SSPN: variants seen among roughly 807,000 people sequenced by gnomAD.
The protein encoded by SSPN is sarcospan.
A neutral mutation model predicts 19.1 loss-of-function variants in SSPN; 15 were observed. The observed-to-expected ratio is 0.78, with a 90% CI of 0.52 to 1.21. The LOEUF (loss-of-function observed/expected upper bound fraction) is 1.21. Ranked by LOEUF, SSPN falls within the 50% of genes most tolerant of loss-of-function variation. SSPN has a pLI of 0.00. For missense variants in SSPN, 291 were observed against 314.0 expected (o/e 0.93, Z 0.55); for synonymous variants, 147 against 140.3 (o/e 1.05, Z -0.34).
At chr12:26,165,320 G>A (rs1461335094) in intron 1 of SSPN, among the ~76,000 whole-genome samples, 1 of 152,156 alleles carries the variant, frequency 6.6e-6, no homozygotes, top group African/African-American at 2.4e-5. Flanking sequence ...CAAGTTCTCT[G>A]GCCATCAGAA....
intron 1 of SSPN, chr12:26,126,152 C>CA (rs1187133387): frequency 6.6e-6 from 1 of 152,222 alleles, no homozygotes; most frequent in African/African-American, 2.4e-5. Flanking sequence ...CGCCGGGAAT[C>CA]ACAGGCCAGC....
intron 1 of SSPN, chr12:26,125,446 G>A (rs1944355904): frequency 6.4e-6 from 1 of 157,120 alleles, no homozygotes; most frequent in Admixed American, 6.1e-5. Context: ...GAAGTGAAAA[G>A]AGAATTCGCG....
At chr12:26,142,991 T>A (rs1719566720) in intron 1 of SSPN, among the ~76,000 whole-genome samples, 1 of 152,244 alleles carries the variant, frequency 6.6e-6, no homozygotes, top group South Asian at 2.1e-4. Context: ...TGTATATACC[T>A]ATTTTTTACA....
At chr12:26,156,773 G>A (rs1214517660) in intron 1 of SSPN, among the ~76,000 whole-genome samples, 1 of 152,178 alleles carries the variant, frequency 6.6e-6, no homozygotes, top group Admixed American at 6.5e-5. Flanking sequence ...CAGGAAGTAC[G>A]GTTGCTGTAG....
At position 26,234,501 on chromosome 12, in the gene SSPN, G is replaced by A. The variant is rs1050504873; in HGVS notation, c.*3425G>A. On this transcript the variant is annotated 3_prime_UTR_variant, in exon 3 of 3. Coordinates refer to ENST00000242729, the MANE Select transcript of SSPN (RefSeq NM_005086.5). ...ATGGCAAATGTATTGACTCACAGTG[G>A]AAACATTCATTTGGATGAAGAATTA... The A allele has an allele frequency of 1.3e-5, 2 of 152,186 alleles. No homozygotes were observed. The highest frequency in any genetic ancestry group is 4.8e-5 in the African/African-American group (2 of 41,446). The allele number at this position is 152,186 out of a possible 1,614,324, so 9.4% of individuals were successfully genotyped here. A position where few individuals can be genotyped will look rare whatever the true frequency, so the allele number is the denominator to read the frequency against.
Position 26,231,645 on chromosome 12 carries a change from A to G in SSPN, c.*569A>G, listed in dbSNP as rs1020696437. The stretch of plus-strand genomic sequence containing the variant: ...AACGGAAGAGGCTTTGCAAAAGGCT[A>G]GATAACTAACAACACCTGGGTTGGG... On this transcript the variant is annotated 3_prime_UTR_variant, in exon 3 of 3. Coordinates refer to ENST00000242729, the MANE Select transcript of SSPN (RefSeq NM_005086.5). 4.6e-5 allele frequency: 7 copies of G among 152,958 alleles called. No individual in the cohort carries two copies. The highest frequency in any genetic ancestry group is 1.7e-4 in the African/African-American group (7 of 41,486). 9.5% of individuals were successfully genotyped at this position (152,958 alleles called of 1,614,324 possible).
At chr12:26,122,731 G>T in intron 1 of SSPN, 2 of 1,591,298 alleles carry the variant, frequency 1.3e-6, no homozygotes, top group East Asian at 2.3e-5. Context: ...ATGGTGACGC[G>T]GCTCGCCCCC....
intron 1 of SSPN, chr12:26,122,373 G>C (rs900758503): frequency 2.5e-6 from 3 of 1,198,632 alleles, no homozygotes; most frequent in South Asian, 3.7e-5. Context: ...CGGGGCGGCA[G>C]CCGCCGCCGG....
intron 1 of SSPN, among the ~76,000 whole-genome samples, chr12:26,137,718 A>G (rs1455585456): frequency 3.2e-5 from 4 of 126,218 alleles, no homozygotes; most frequent in African/African-American, 9.1e-5. Flanking sequence ...AGGCTGGAGT[A>G]CAGTGGTGCA....
upstream of SSPN, among the ~76,000 whole-genome samples, chr12:26,192,457 GAAGA>G (rs1944795186): frequency 1.3e-5 from 2 of 152,168 alleles, no homozygotes; most frequent in Non-Finnish European, 2.9e-5. Flanking sequence ...CATGTAAAAG[GAAGA>G]GTTTTCTTTG....
At chr12:26,124,966 A>G in intron 1 of SSPN, 1 of 635,274 alleles carries the variant, frequency 1.6e-6, no homozygotes, top group Non-Finnish European at 2.9e-6. Flanking sequence ...TCGCACACAC[A>G]CACGCACACA....
intron 1 of SSPN, among the ~76,000 whole-genome samples, chr12:26,141,548 G>C (rs1944460680): frequency 6.6e-6 from 1 of 152,152 alleles, no homozygotes; most frequent in Non-Finnish European, 1.5e-5. Context: ...TTCTCCTCTA[G>C]ATCCTCACAA....
At chr12:26,210,510 G>A (rs1268661050) in intron 1 of SSPN, among the ~76,000 whole-genome samples, 1 of 151,364 alleles carries the variant, frequency 6.6e-6, no homozygotes, top group Non-Finnish European at 1.5e-5. Flanking sequence ...CTCTCTCTCT[G>A]TGTCTCTCTC....
At chr12:26,159,102 A>G (rs1038869220) in intron 1 of SSPN, among the ~76,000 whole-genome samples, 1 of 152,128 alleles carries the variant, frequency 6.6e-6, no homozygotes, top group Non-Finnish European at 1.5e-5. Context: ...GCCTGGCTCT[A>G]CTCAGCCCTG....
At chr12:26,193,922 T>C (rs1944804373), upstream of SSPN, among the ~76,000 whole-genome samples, 1 of 152,254 alleles carries the variant, frequency 6.6e-6, no homozygotes, top group Admixed American at 6.5e-5. Flanking sequence ...TCTTCAAAGT[T>C]ACTTTTGTGG....
intron 1 of SSPN, chr12:26,122,166 T>C (rs1472961031): frequency 1.8e-5 from 27 of 1,533,208 alleles, no homozygotes; most frequent in Non-Finnish European, 2.2e-5. Context: ...GGTGCGGCCG[T>C]GCGGGTGCTG....
At chr12:26,138,560 A>G (rs745491993) in intron 1 of SSPN, among the ~76,000 whole-genome samples, 2 of 152,216 alleles carry the variant, frequency 1.3e-5, no homozygotes, top group Admixed American at 1.3e-4. Context: ...AAAATTGCTT[A>G]GTTTAACTAA....
intron 1 of SSPN, chr12:26,211,754 C>T (rs942603975): frequency 2.6e-5 from 4 of 152,214 alleles, no homozygotes; most frequent in Non-Finnish European, 5.9e-5. Flanking sequence ...TTAACAAGCA[C>T]ATTTTTCTTC....
chr12:26,229,681 A>G (rs1945210604), intron 2 of SSPN, among the ~76,000 whole-genome samples: 1 of 152,176 alleles, frequency 6.6e-6, no homozygotes, highest in South Asian at 2.1e-4. Context: ...GTAGAGAGCA[A>G]CTTTTGACTG....
Sources: allele counts gnomAD v4.1 joint callset (sites outside exome capture counted in the v4.1 genomes callset), GRCh38; gene constraint gnomAD v4.1.1; transcripts MANE v1.5; gene names NCBI Gene and HGNC (gene_info 2026-07-23, HGNC 2026-07-21).